Variants in MTERF4 observed in about 807,000 individuals in gnomAD.
MTERF4 encodes the protein mitochondrial transcription termination factor 4.
Under a neutral mutation model 22.5 loss-of-function variants are expected in MTERF4, and 17 were observed. That is an observed-to-expected ratio of 0.75 (90% CI 0.52 to 1.13). The LOEUF (loss-of-function observed/expected upper bound fraction) is 1.13. Ranked by LOEUF, MTERF4 falls within the 50% of genes most tolerant of loss-of-function variation. MTERF4 has a pLI of 0.00. For missense variants in MTERF4, 420 were observed against 466.8 expected (o/e 0.90, Z 0.92); for synonymous variants, 165 against 175.3 (o/e 0.94, Z 0.47).
intron 4 of MTERF4, among the ~76,000 whole-genome samples, chr2:241,078,348 A>G (rs1475875447): frequency 6.7e-6 from 1 of 149,412 alleles, no homozygotes; most frequent in African/African-American, 2.5e-5. Context: ...GCGCCACTGC[A>G]CTGCAGCCTG....
At chr2:241,087,334 G>C, downstream of MTERF4, 1 of 1,514,772 alleles carries the variant, frequency 6.6e-7, no homozygotes, top group Non-Finnish European at 8.9e-7. Flanking sequence ...CCTAGGTTAA[G>C]CAGTTGGCAA....
At chr2:241,044,530 G>A in the MTERF4 span, among the ~76,000 whole-genome samples, 1 of 152,176 alleles carries the variant, frequency 6.6e-6, no homozygotes, top group Admixed American at 6.5e-5. Context: ...CCAAACCAGT[G>A]GTGAGTTTAC....
rs1482634602 is a variant in MTERF4 at position 241,073,339 on chromosome 2, T to G, written n.2823A>C. On this transcript the variant is annotated non_coding_transcript_exon_variant, in exon 5 of 5. Coordinates refer to the MTERF4 transcript ENST00000464344. The surrounding 1 kb of genome is among the most constrained non-coding windows in gnomAD (Gnocchi z 6.6). ...GGGTCAGCCTGGCCCTCCAGCTCCC[T>G]GAACACGGCAGCAAGGACATCGGAA... 8.3e-6 allele frequency: 13 copies of G among 1,573,454 alleles called. No individual in the cohort carries two copies. The highest frequency in any genetic ancestry group is 1.4e-5 in the African/African-American group (1 of 73,894).
chr2:241,069,840 A>C (rs540760671), downstream of MTERF4: 1 of 1,507,848 alleles, frequency 6.6e-7, no homozygotes. The surrounding 1 kb of genome is among the most constrained non-coding windows in gnomAD (Gnocchi z 4.9). Flanking sequence ...GCGGCAGCCC[A>C]TGTCCGGTTC....
Position 241,099,795 on chromosome 2 carries a change from G to A in MTERF4, c.121C>T (p.Arg41Cys), listed in dbSNP as rs143756138. ...EQRRTTASLLRKLTTASNGGV... is the reference protein window; with the variant it reads ...EQRRTTASLLCKLTTASNGGV... ...CCATTGGAGGCTGTAGTCAGTTTGC[G>A]CAACAAAGAAGCTGTCGTCCTTCTC... Residue 41 changes from arginine to cysteine, a missense_variant, in exon 2 of 4, where the codon CGC (arginine) becomes TGC (cysteine). Transcript: ENST00000391980. 2.6e-4 allele frequency: 425 copies of A among 1,614,074 alleles called. No individual in the cohort carries two copies. Among genetic ancestry groups the A allele is most frequent in the Non-Finnish European group, 3.2e-4 (372 of 1,180,000 alleles).
chr2:241,048,744 C>T, the MTERF4 span: 1 of 1,611,838 alleles, frequency 6.2e-7, no homozygotes, highest in Non-Finnish European at 8.5e-7. Context: ...CCCTGGGATT[C>T]TTTGGGCTTC....
the MTERF4 span, among the ~76,000 whole-genome samples, chr2:241,045,112 A>C: frequency 6.6e-6 from 1 of 152,222 alleles, no homozygotes. Flanking sequence ...AACATTAGAG[A>C]ATTTGCATGC....
downstream of MTERF4, among the ~76,000 whole-genome samples, chr2:241,071,160 A>AT (rs1395230864): frequency 6.6e-6 from 1 of 152,166 alleles, no homozygotes; most frequent in African/African-American, 2.4e-5. Context: ...CTCAGGGCAC[A>AT]TGCTGGGGTG....
chr2:241,047,176 T>G, the MTERF4 span, among the ~76,000 whole-genome samples: 1 of 42,526 alleles, frequency 2.4e-5, no homozygotes, highest in Non-Finnish European at 4.3e-5. Flanking sequence ...AAAAGTAAAT[T>G]AGGTAAACTA....
chr2:241,055,955 G>A, the MTERF4 span, among the ~76,000 whole-genome samples: 3 of 152,312 alleles, frequency 2.0e-5, no homozygotes, highest in South Asian at 2.1e-4. Context: ...ACTCAGCTTC[G>A]CTACCTAGTA....
At position 241,096,394 on chromosome 2, in the gene MTERF4, C is replaced by T; in HGVS notation, c.750G>A (p.Lys250=). The T allele has an allele frequency of 6.2e-7, 1 of 1,614,182 alleles. No homozygotes were observed. Among genetic ancestry groups the T allele is most frequent in the Non-Finnish European group, 8.5e-7 (1 of 1,180,044 alleles). ...RMGIKHPDIV[K]SEYLQYSLTK... is the part of the protein sequence containing the mutation. ...TTAGTGAATACTGCAAGTACTCACTCTTTACAATGTCTGGATGCTTAATTC... is the reference window on the plus strand; with the variant it reads ...TTAGTGAATACTGCAAGTACTCACTTTTTACAATGTCTGGATGCTTAATTC... Residue 250 remains lysine, a synonymous_variant, in exon 4 of 4, where the codon AAG becomes AAA. Coordinates refer to ENST00000391980, the MANE Select transcript of MTERF4 (RefSeq NM_182501.4). This position sits in a 1 kb window ranked among gnomAD's most constrained non-coding sequence, Gnocchi z 5.1.
At chr2:241,092,936 G>C (rs765676733), downstream of MTERF4, 3 of 152,198 alleles carry the variant, frequency 2.0e-5, no homozygotes, top group East Asian at 5.8e-4. This position sits in a 1 kb window ranked among gnomAD's most constrained non-coding sequence, Gnocchi z 4.6. Context: ...GCCCTGCCGC[G>C]TCACCCTGAC....
the MTERF4 span, chr2:241,051,975 C>T: frequency 6.5e-7 from 1 of 1,530,036 alleles, no homozygotes; most frequent in Non-Finnish European, 9.0e-7. The surrounding 1 kb of genome is among the most constrained non-coding windows in gnomAD (Gnocchi z 4.7). Context: ...GAGGCCCCAG[C>T]TCTGGGATGT....
downstream of MTERF4, chr2:241,088,974 C>A: frequency 3.8e-6 from 1 of 262,952 alleles, no homozygotes. Flanking sequence ...GGCTCATAGG[C>A]ATTCATAAAT....
At chr2:241,049,946 G>A in the MTERF4 span, 6 of 1,601,500 alleles carry the variant, frequency 3.7e-6, no homozygotes, top group Non-Finnish European at 5.1e-6. Flanking sequence ...ATGGCGGGCA[G>A]GGGCGTCCGG....
intron 4 of MTERF4, among the ~76,000 whole-genome samples, chr2:241,076,763 C>T (rs190001866): frequency 5.9e-5 from 9 of 151,386 alleles, no homozygotes; most frequent in African/African-American, 1.2e-4. Flanking sequence ...CAGGGCCGGG[C>T]GCGGGGGCTC....
downstream of MTERF4, chr2:241,070,117 C>G (rs570273441): frequency 1.9e-5 from 31 of 1,612,564 alleles, no homozygotes; most frequent in Non-Finnish European, 2.5e-5. Flanking sequence ...GCCGGGACGG[C>G]GGTACCAGCT....
chr2:241,049,707 T>A, the MTERF4 span: 1 of 757,156 alleles, frequency 1.3e-6, no homozygotes, highest in Non-Finnish European at 2.3e-6. Context: ...TGGCCTTGGT[T>A]CCAGACAGGA....
chr2:241,077,371 T>C (rs920041898), intron 4 of MTERF4, among the ~76,000 whole-genome samples: 1 of 152,164 alleles, frequency 6.6e-6, no homozygotes, highest in Non-Finnish European at 1.5e-5. Context: ...TGAGGGTCCT[T>C]AGGCTCAACA....
Sources: gnomAD v4.1 joint callset for allele counts (sites outside exome capture counted in the v4.1 genomes callset) on GRCh38, gnomAD v4.1.1 for gene constraint, Gnocchi (gnomAD v3.1) non-coding constraint, MANE v1.5 for transcripts, NCBI Gene and HGNC (gene_info 2026-07-23, HGNC 2026-07-21) for gene names.